Variants in RYR2 observed in about 807,000 individuals in gnomAD.
RYR2 encodes ryanodine receptor 2.
RYR2 carries 227 observed loss-of-function variants against 601.1 expected under a neutral mutation model. That is an observed-to-expected ratio of 0.38 (90% CI 0.34 to 0.42). RYR2 has a LOEUF of 0.42. RYR2 is among the 10% of genes least tolerant of loss of function. The probability of loss-of-function intolerance (pLI) is 1.00; values close to 1 mark genes in which losing one functional copy is unlikely to be tolerated. For missense variants in RYR2, 4,646 were observed against 6,156.5 expected (o/e 0.75, Z 8.21); for synonymous variants, 2,223 against 2,175.1 (o/e 1.02, Z -0.61).
chr1:237,086,736 G>A (rs938788347), intron 1 of RYR2, among the ~76,000 whole-genome samples: 2 of 152,108 alleles, frequency 1.3e-5, no homozygotes, highest in African/African-American at 2.4e-5. Context: ...TTTACTTCGC[G>A]ATGCTGGAAG....
chr1:237,082,693 G>A (rs1665872406), intron 1 of RYR2, among the ~76,000 whole-genome samples: 1 of 151,664 alleles, frequency 6.6e-6, no homozygotes, highest in South Asian at 2.1e-4. Flanking sequence ...CTGAGTGCTT[G>A]TTAGTTTCTG....
At chr1:237,434,790 T>A (rs1240397027) in intron 12 of RYR2, among the ~76,000 whole-genome samples, 1 of 152,198 alleles carries the variant, frequency 6.6e-6, no homozygotes, top group Non-Finnish European at 1.5e-5. Context: ...AACTTTTTTT[T>A]TGAGACAGAG....
chr1:237,306,928 C>G (rs577830250), intron 2 of RYR2, among the ~76,000 whole-genome samples: 1 of 152,108 alleles, frequency 6.6e-6, no homozygotes, highest in Non-Finnish European at 1.5e-5. Flanking sequence ...CATTGTAACA[C>G]AAATATACAA....
At chr1:237,593,237 C>A (rs544639284) in intron 32 of RYR2, among the ~76,000 whole-genome samples, 1 of 152,258 alleles carries the variant, frequency 6.6e-6, no homozygotes, top group South Asian at 2.1e-4. Context: ...TTGCTCAGAT[C>A]ACATCTTTTC....
At chr1:237,490,973 T>C (rs1241501278) in intron 17 of RYR2, among the ~76,000 whole-genome samples, 1 of 152,196 alleles carries the variant, frequency 6.6e-6, no homozygotes, top group Non-Finnish European at 1.5e-5. Context: ...TGGGTCTAAT[T>C]GGTGTGAATG....
At chr1:237,577,038 GAA>G (rs1336996362) in intron 29 of RYR2, among the ~76,000 whole-genome samples, 1 of 152,120 alleles carries the variant, frequency 6.6e-6, no homozygotes, top group Non-Finnish European at 1.5e-5. Flanking sequence ...CTCCACTTTG[GAA>G]AACTGTGTGA....
At chr1:237,644,517 G>C (rs1158498727) in intron 48 of RYR2, among the ~76,000 whole-genome samples, 2 of 152,134 alleles carry the variant, frequency 1.3e-5, no homozygotes, top group Non-Finnish European at 2.9e-5. Context: ...CAGGCATGAG[G>C]CACTGCTCCT....
chr1:237,284,548 G>GTA (rs146853072), intron 2 of RYR2, among the ~76,000 whole-genome samples: 145 of 140,730 alleles, frequency 1.0e-3, no homozygotes, highest in African/African-American at 2.3e-3. Context: ...TATAGTGTGT[G>GTA]TATATATATA....
At chr1:237,625,547 A>T in intron 39 of RYR2, 114 bp from the exon 40 acceptor site, 1 of 1,011,272 alleles carries the variant, frequency 9.9e-7, no homozygotes, top group South Asian at 1.6e-5. Context: ...TTAATGTTAG[A>T]TGTTTTTGAC....
At chr1:237,667,982 T>C in intron 58 of RYR2, 24 bp downstream of exon 58, 1 of 1,529,914 alleles carries the variant, frequency 6.5e-7, no homozygotes, top group Non-Finnish European at 8.8e-7. Flanking sequence ...AAAACGTTTA[T>C]TAAAAAATAA....
At chr1:237,480,511 C>A (rs1400757768) in intron 17 of RYR2, among the ~76,000 whole-genome samples, 1 of 151,716 alleles carries the variant, frequency 6.6e-6, no homozygotes, top group Non-Finnish European at 1.5e-5. Flanking sequence ...AATTCTAATA[C>A]CGTTACTTGT....
chr1:237,814,347 G>A (rs923139399), intron 100 of RYR2, among the ~76,000 whole-genome samples: 4 of 152,114 alleles, frequency 2.6e-5, no homozygotes, highest in African/African-American at 9.7e-5. Flanking sequence ...TTCACAGGGC[G>A]ATGTCTATAT....
chr1:237,640,968 T>C lies in RYR2; in HGVS notation c.7187T>C (p.Ile2396Thr). 6.2e-7 allele frequency: 1 copy of C among 1,613,454 alleles called. No homozygotes were observed. Among genetic ancestry groups the C allele is most frequent in the South Asian group, 1.1e-5 (1 of 90,842 alleles). Residue 2396 changes from isoleucine (I) to threonine (T), a missense_variant, in exon 47 of 105, where the codon ATT becomes ACT. Physicochemically the swap from Ile to Thr is moderately conservative, Grantham distance 89. This residue lies in a region of RYR2 where 1,497 missense variants were observed against 1,842.6 expected (regional missense o/e 0.81). Coordinates refer to ENST00000366574, the MANE Select transcript of RYR2 (RefSeq NM_001035.3). ...ATCATGACCTTCTATTCAGCTTTGA[T>C]TGACCTCTTGGGACGCTGTGCTCCT... ...NAIMTFYSALIDLLGRCAPEM... is the reference protein window; with the variant it reads ...NAIMTFYSALTDLLGRCAPEM...
At chr1:237,053,247 T>C (rs948079634) in intron 1 of RYR2, among the ~76,000 whole-genome samples, 1 of 152,228 alleles carries the variant, frequency 6.6e-6, no homozygotes, top group Non-Finnish European at 1.5e-5. Context: ...CTGGGAGTCA[T>C]GATCAGCTTA....
chr1:237,798,791 CACACACACACAT>C (rs922403230), intron 97 of RYR2, among the ~76,000 whole-genome samples: 3 of 110,328 alleles, frequency 2.7e-5, no homozygotes, highest in African/African-American at 9.6e-5. Flanking sequence ...CACACACACA[CACACACACACAT>C]ATAGTGTGAG....
rs138821412 is a variant in RYR2 at position 237,062,355 on chromosome 1, C to A, written c.48+19786C>A. 4.9e-3 allele frequency among the ~76,000 whole-genome samples: 743 copies of A among 152,136 alleles called. 3 individuals are homozygous for A. Among genetic ancestry groups the A allele is most frequent in the Non-Finnish European group, 8.2e-3 (560 of 68,006 alleles). The stretch of plus-strand genomic sequence containing the variant: ...TAACATCTTTTCGATATTAAGACTC[C>A]CAATCTATGAACATGGTATATCTTT... On this transcript the variant is annotated intron_variant, in intron 1 of 104. Transcript: ENST00000366574.
intron 2 of RYR2, among the ~76,000 whole-genome samples, chr1:237,328,765 A>G (rs959996608): frequency 1.3e-5 from 2 of 152,208 alleles, no homozygotes; most frequent in African/African-American, 2.4e-5. Context: ...ATAAAGCATC[A>G]TTTTATGCTG....
At chr1:237,602,724 A>G (rs1676647272) in intron 35 of RYR2, among the ~76,000 whole-genome samples, 1 of 152,194 alleles carries the variant, frequency 6.6e-6, no homozygotes, top group African/African-American at 2.4e-5. Context: ...TAAAAGGTAG[A>G]ACAAGTCCAA....
chr1:237,170,061 A>G (rs1677179208), intron 1 of RYR2, among the ~76,000 whole-genome samples: 1 of 152,174 alleles, frequency 6.6e-6, no homozygotes, highest in African/African-American at 2.4e-5. Context: ...TGGAAGATGG[A>G]GGGATTCTGG....
Sources: allele counts gnomAD v4.1 joint callset (sites outside exome capture counted in the v4.1 genomes callset), GRCh38; gene constraint gnomAD v4.1.1; regional missense constraint gnomAD v4.1.1; transcripts MANE v1.5; gene names NCBI Gene and HGNC (gene_info 2026-07-23, HGNC 2026-07-21).